The following FAM83B variants were observed in gnomAD, a reference collection of about 807,000 sequenced individuals.
FAM83B encodes scaffolding CK1 anchoring protein B, also known as protein FAM83B.
A neutral mutation model predicts 38.8 loss-of-function variants in FAM83B; 26 were observed. The observed-to-expected ratio is 0.67, with a 90% confidence interval of 0.49 to 0.93. The LOEUF is 0.93. Ranked by LOEUF, FAM83B falls within the 40% of genes least tolerant of loss-of-function variation. FAM83B has a pLI of 0.00. For missense variants in FAM83B, 1,237 were observed against 1,197.3 expected (o/e 1.03, Z -0.49); for synonymous variants, 419 against 423.1 (o/e 0.99, Z 0.12).
intron 2 of FAM83B, among the ~76,000 whole-genome samples, chr6:54,916,811 G>A (rs1056766558): frequency 1.3e-5 from 2 of 152,132 alleles, no homozygotes; most frequent in African/African-American, 2.4e-5. Context: ...CATGACTTAC[G>A]AACCAACTTC....
chr6:54,867,818 C>T (rs940133979), intron 1 of FAM83B, among the ~76,000 whole-genome samples: 6 of 152,028 alleles, frequency 3.9e-5, no homozygotes, highest in Non-Finnish European at 8.8e-5. Context: ...AAATAGGTAA[C>T]AGGTGTTTAA....
At chr6:54,850,191 G>A (rs561333238) in intron 1 of FAM83B, among the ~76,000 whole-genome samples, 1 of 152,280 alleles carries the variant, frequency 6.6e-6, no homozygotes, top group East Asian at 1.9e-4. Flanking sequence ...CACAGCAGAC[G>A]TTGTTTGTGT....
chr6:54,890,866 A>G (rs1360566139), intron 2 of FAM83B, among the ~76,000 whole-genome samples: 2 of 152,062 alleles, frequency 1.3e-5, no homozygotes, highest in Non-Finnish European at 2.9e-5. Context: ...AATAGGGGAC[A>G]TTCAGAGTGA....
At chr6:54,870,133 C>A in intron 1 of FAM83B, 54 bp from the exon 2 acceptor site, 1 of 775,016 alleles carries the variant, frequency 1.3e-6, no homozygotes, top group Non-Finnish European at 2.1e-6. Flanking sequence ...TATCATAAAA[C>A]ATTCTGTTAC....
chr6:54,885,999 A>G (rs1772266559), intron 2 of FAM83B, among the ~76,000 whole-genome samples: 1 of 151,916 alleles, frequency 6.6e-6, no homozygotes, highest in Non-Finnish European at 1.5e-5. Context: ...TAACTGTCAT[A>G]TATAGGAAGT....
chr6:54,864,700 A>G (rs371080394), intron 1 of FAM83B, among the ~76,000 whole-genome samples: 1 of 152,202 alleles, frequency 6.6e-6, no homozygotes, highest in East Asian at 1.9e-4. Flanking sequence ...TGGTAATCAA[A>G]TGAGAAGACA....
upstream of FAM83B, among the ~76,000 whole-genome samples, chr6:54,846,581 G>C (rs889676459): frequency 6.6e-6 from 1 of 152,180 alleles, no homozygotes; most frequent in Non-Finnish European, 1.5e-5. Flanking sequence ...CTGGCTGTTC[G>C]GGGTTTGGCG....
At chr6:54,884,061 T>C (rs1242157007) in intron 2 of FAM83B, among the ~76,000 whole-genome samples, 1 of 152,108 alleles carries the variant, frequency 6.6e-6, no homozygotes, top group Admixed American at 6.5e-5. Context: ...CCCAGCACTG[T>C]GGGAGGCCAA....
chr6:54,935,653 AG>A (rs748848292), intron 4 of FAM83B, among the ~76,000 whole-genome samples: 1 of 152,144 alleles, frequency 6.6e-6, no homozygotes. Context: ...TCTGTGTGGA[AG>A]TGTGACATGA....
chr6:54,859,364 G>T (rs1771523795), intron 1 of FAM83B, among the ~76,000 whole-genome samples: 1 of 152,094 alleles, frequency 6.6e-6, no homozygotes, highest in Admixed American at 6.6e-5. Context: ...CCGGCCACGG[G>T]TATTATGATT....
Position 54,940,313 on chromosome 6 carries a change from C to T in FAM83B, c.1342C>T (p.Leu448Phe). ...NTPAQSFANR[L>F]AQRKTTNLAD... Reference sequence around the variant, plus strand: ...ACCTGCCCAGAGTTTTGCCAATCGGCTTGCGCAGAGAAAAACAACAAATCT... The same window carrying T: ...ACCTGCCCAGAGTTTTGCCAATCGGTTTGCGCAGAGAAAAACAACAAATCT... The change falls in exon 5 of 5, where the codon CTT becomes TTT. Residue 448 changes from leucine to phenylalanine, a missense_variant. Physicochemically the swap from Leu to Phe is conservative, Grantham distance 22. Transcript: ENST00000306858. 1 of 1,614,036 alleles carries T rather than the reference C, an allele frequency of 6.2e-7. No homozygotes were observed. Among genetic ancestry groups the T allele is most frequent in the Non-Finnish European group, 8.5e-7 (1 of 1,179,994 alleles).
intron 2 of FAM83B, among the ~76,000 whole-genome samples, chr6:54,888,713 A>C (rs1285503574): frequency 7.9e-5 from 12 of 151,880 alleles, no homozygotes; most frequent in Admixed American, 7.2e-4. Context: ...ACATGATGTA[A>C]CTAGGGGAAC....
At chr6:54,870,797 C>CATGGCCTATA in intron 2 of FAM83B, 107 bp downstream of exon 2, 2 of 1,074,040 alleles carry the variant, frequency 1.9e-6, no homozygotes, top group Non-Finnish European at 1.3e-6. Context: ...TATGTATAGG[C>CATGGCCTATA]CATGCCTATT....
At position 54,871,557 on chromosome 6, in the gene FAM83B, A is replaced by G. The variant is rs745615838; in HGVS notation, c.444+867A>G. On this transcript the variant is annotated intron_variant, in intron 2 of 4. Coordinates refer to ENST00000306858, the MANE Select transcript of FAM83B (RefSeq NM_001010872.3). ...AACATAGCAAAACCTCGTCTCTACA[A>G]TAATAATAATAATAATAATAATAAT... Among the ~76,000 whole-genome samples the G allele has an allele frequency of 3.0e-4, 22 of 74,320 alleles. No homozygotes were observed. The East Asian group carries it at 8.6e-3, about 29-fold the overall frequency. 48.8% of individuals were successfully genotyped at this position (74,320 alleles called of 152,430 possible). A position where few individuals can be genotyped will look rare whatever the true frequency, so the allele number is the denominator to read the frequency against.
At chr6:54,871,389 C>T (rs1771848807) in intron 2 of FAM83B, among the ~76,000 whole-genome samples, 1 of 151,300 alleles carries the variant, frequency 6.6e-6, no homozygotes, top group Non-Finnish European at 1.5e-5. Flanking sequence ...TTGGAGACTA[C>T]AAAAAAATTT....
At chr6:54,888,300 T>C (rs1036667621) in intron 2 of FAM83B, among the ~76,000 whole-genome samples, 4 of 146,290 alleles carry the variant, frequency 2.7e-5, no homozygotes, top group Admixed American at 6.8e-5. Context: ...TCAATATTCA[T>C]TAGTTATATA....
chr6:54,847,403 G>A (rs925804164), intron 1 of FAM83B, among the ~76,000 whole-genome samples: 7 of 147,654 alleles, frequency 4.7e-5, no homozygotes, highest in African/African-American at 1.8e-4. Flanking sequence ...ACAGGATCCC[G>A]TTTCTGAGTG....
chr6:54,865,502 G>A (rs910909093), intron 1 of FAM83B, among the ~76,000 whole-genome samples: 2 of 152,102 alleles, frequency 1.3e-5, no homozygotes, highest in African/African-American at 4.8e-5. Context: ...TTAGGACTTC[G>A]ACATATCCTG....
chr6:54,864,953 C>T (rs953864325), intron 1 of FAM83B, among the ~76,000 whole-genome samples: 1 of 152,112 alleles, frequency 6.6e-6, no homozygotes, highest in Non-Finnish European at 1.5e-5. Context: ...AATTGCTTAA[C>T]ATTGAAGTTA....
Sources: gnomAD v4.1 joint callset for allele counts (sites outside exome capture counted in the v4.1 genomes callset) on GRCh38, gnomAD v4.1.1 for gene constraint, MANE v1.5 for transcripts, NCBI Gene and HGNC (gene_info 2026-07-23, HGNC 2026-07-21) for gene names.